The following TTYH2 variants were observed in gnomAD, a reference collection of about 807,000 sequenced individuals.
TTYH2 encodes tweety family member 2.
In TTYH2, 49 loss-of-function variants were observed where a neutral mutation model predicts 68.3. That is an observed-to-expected ratio of 0.72 (90% CI 0.57 to 0.91). TTYH2 has a LOEUF of 0.91. Ranked by LOEUF, TTYH2 falls within the 40% of genes least tolerant of loss-of-function variation. The pLI is 0.00. For synonymous variants in TTYH2, 272 were observed against 300.8 expected (o/e 0.90, Z 0.99); for missense variants, 631 against 700.4 (o/e 0.90, Z 1.12).
chr17:74,226,057 G>A (rs1051655215), intron 2 of TTYH2, among the ~76,000 whole-genome samples: 3 of 152,252 alleles, frequency 2.0e-5, no homozygotes, highest in African/African-American at 7.2e-5. Context: ...GCCCCCGGAT[G>A]GGGTGGCAGT....
At chr17:74,223,220 C>G (rs1479773395) in intron 2 of TTYH2, among the ~76,000 whole-genome samples, 1 of 151,802 alleles carries the variant, frequency 6.6e-6, no homozygotes, top group Non-Finnish European at 1.5e-5. Flanking sequence ...GCAATCCTCC[C>G]ACCTCAGCCT....
intron 3 of TTYH2, among the ~76,000 whole-genome samples, chr17:74,231,784 G>A (rs1298176220): frequency 6.6e-6 from 1 of 152,172 alleles, no homozygotes; most frequent in Admixed American, 6.5e-5. Context: ...CCAGGTGGGG[G>A]CTCACAGTGA....
In TTYH2 at chr17:74,232,602, G is replaced by A. The variant is rs2050401359; in HGVS notation, c.414+1603G>A. ...GCACCCACCCTTGCCCCAGGCCCTG[G>A]TGGGGAAGGGCCCCATGGTCACTGC... On this transcript the variant is annotated intron_variant, in intron 3 of 13. Coordinates refer to ENST00000269346, the MANE Select transcript of TTYH2 (RefSeq NM_032646.6). The surrounding 1 kb of genome is among the most constrained non-coding windows in gnomAD (Gnocchi z 5.1). Among the ~76,000 whole-genome samples the A allele has an allele frequency of 6.6e-6, 1 of 152,156 alleles. No homozygotes were observed. Among genetic ancestry groups the A allele is most frequent in the Non-Finnish European group, 1.5e-5 (1 of 68,000 alleles).
intron 13 of TTYH2, among the ~76,000 whole-genome samples, chr17:74,254,673 C>T (rs1283788515): frequency 6.6e-6 from 1 of 152,150 alleles, no homozygotes; most frequent in Non-Finnish European, 1.5e-5. Flanking sequence ...CCATATTCAG[C>T]CTTTAAGAAG....
chr17:74,231,058 G>C, intron 3 of TTYH2, 59 bp downstream of exon 3: 2 of 1,507,984 alleles, frequency 1.3e-6, no homozygotes, highest in Non-Finnish European at 1.8e-6. Flanking sequence ...AGCGTGGTCA[G>C]AGCAAGGGCC....
chr17:74,228,749 A>C (rs946085989), intron 2 of TTYH2, among the ~76,000 whole-genome samples: 1 of 152,160 alleles, frequency 6.6e-6, no homozygotes, highest in Non-Finnish European at 1.5e-5. Context: ...GTGCCCTGGG[A>C]AGTGGAGGAC....
intron 3 of TTYH2, among the ~76,000 whole-genome samples, chr17:74,234,549 A>G (rs1404268947): frequency 6.6e-6 from 1 of 152,228 alleles, no homozygotes; most frequent in East Asian, 1.9e-4. Context: ...TGGGCAGCAT[A>G]GCGAGACCCC....
chr17:74,227,568 GCTC>G (rs1433202243), intron 2 of TTYH2, among the ~76,000 whole-genome samples: 1 of 152,134 alleles, frequency 6.6e-6, no homozygotes, highest in Non-Finnish European at 1.5e-5. Flanking sequence ...ACTTGGTGAA[GCTC>G]CTCCCCTCTG....
intron 1 of TTYH2, among the ~76,000 whole-genome samples, chr17:74,221,250 C>G (rs1219696965): frequency 1.3e-5 from 2 of 152,222 alleles, no homozygotes; most frequent in Non-Finnish European, 1.5e-5. Flanking sequence ...AAGACCTGCC[C>G]GCATCTCACA....
Position 74,253,796 on chromosome 17 carries a change from A to G in TTYH2, c.1487A>G (p.Asn496Ser). 1 of 1,614,222 alleles carries G rather than the reference A, an allele frequency of 6.2e-7. No individual in the cohort carries two copies. The highest frequency in any genetic ancestry group is 8.5e-7 in the Non-Finnish European group (1 of 1,180,040). Residue 496 changes from asparagine (N) to serine (S), a missense_variant, in exon 13 of 14, where the codon AAC becomes AGC. Coordinates refer to ENST00000269346, the MANE Select transcript of TTYH2 (RefSeq NM_032646.6). Reference protein sequence around the residue: ...MLFGRNPRYENVPLIGRASPP... With the variant: ...MLFGRNPRYESVPLIGRASPP... The stretch of plus-strand genomic sequence containing the variant: ...TTTGGTAGGAACCCACGCTACGAGA[A>G]CGTGCCACTAATCGGGAGAGCCTCC...
At position 74,260,653 on chromosome 17, in the gene TTYH2, CCT is replaced by C; in HGVS notation, c.*445_*446del. The stretch of plus-strand genomic sequence containing the variant: ...CCAGACGACCCCTCTGTCCTCGTTC[CCT>C]GTCCTCGTTCCCTGCAGGTAACATG... On this transcript the variant is annotated 3_prime_UTR_variant, in exon 14 of 14. Coordinates refer to ENST00000269346, the MANE Select transcript of TTYH2 (RefSeq NM_032646.6). The C allele has an allele frequency of 5.0e-6, 1 of 201,812 alleles. No individual in the cohort carries two copies. The highest frequency in any genetic ancestry group is 2.3e-5 in the African/African-American group (1 of 44,362). The allele number at this position is 201,812 out of a possible 1,614,324, so 12.5% of individuals were successfully genotyped here. A position where few individuals can be genotyped will look rare whatever the true frequency, so the allele number is the denominator to read the frequency against.
chr17:74,218,306 C>T (rs1055030673), intron 1 of TTYH2, among the ~76,000 whole-genome samples: 4 of 151,952 alleles, frequency 2.6e-5, no homozygotes, highest in East Asian at 3.9e-4. Context: ...CCCTGTCCCA[C>T]CCACCACCCC....
At chr17:74,235,319 TC>T (rs1385729915) in intron 3 of TTYH2, among the ~76,000 whole-genome samples, 1 of 152,118 alleles carries the variant, frequency 6.6e-6, no homozygotes, top group Non-Finnish European at 1.5e-5. Flanking sequence ...CGTTTTTATC[TC>T]CCAGACCCGT....
At position 74,215,102 on chromosome 17, in the gene TTYH2, A is replaced by G. The variant is rs576353330; in HGVS notation, c.129+1386A>G. Among the ~76,000 whole-genome samples the G allele has an allele frequency of 1.5e-3, 226 of 151,800 alleles. 1 individual carries two copies. The highest frequency in any genetic ancestry group is 5.3e-3 in the African/African-American group (218 of 41,378). On this transcript the variant is annotated intron_variant, in intron 1 of 13. Coordinates refer to ENST00000269346, the MANE Select transcript of TTYH2 (RefSeq NM_032646.6). The surrounding 1 kb of genome is among the most constrained non-coding windows in gnomAD (Gnocchi z 4.3). ...TCCCTGAGAATGTGGCTGCCTGGGG[A>G]TAGCTCCAGGGAATCTTCCTCTCCC...
chr17:74,219,787 A>G (rs2050257808), intron 1 of TTYH2, among the ~76,000 whole-genome samples: 1 of 152,106 alleles, frequency 6.6e-6, no homozygotes, highest in African/African-American at 2.4e-5. Flanking sequence ...TAAGACTATA[A>G]CACATGTTCT....
intron 1 of TTYH2, among the ~76,000 whole-genome samples, chr17:74,218,196 C>T (rs1173600565): frequency 6.6e-6 from 1 of 151,994 alleles, no homozygotes; most frequent in Non-Finnish European, 1.5e-5. Flanking sequence ...GGGTGGGCTC[C>T]TACCTGCTCC....
At chr17:74,247,531 G>A (rs1161397221) in intron 6 of TTYH2, among the ~76,000 whole-genome samples, 3 of 152,210 alleles carry the variant, frequency 2.0e-5, no homozygotes, top group Non-Finnish European at 4.4e-5. Flanking sequence ...AAGGAGGAGA[G>A]AGGCAGGAGG....
intron 13 of TTYH2, among the ~76,000 whole-genome samples, chr17:74,254,465 GCCAGCTAATTGCCTTTAT>G (rs1294794762): frequency 1.3e-5 from 2 of 152,312 alleles, no homozygotes; most frequent in East Asian, 3.9e-4. Flanking sequence ...ACCGCGCCCG[GCCAGCTAATTGCCTTTAT>G]CCAGAGGAAA....
rs933990314 is a variant in TTYH2 at position 74,261,741 on chromosome 17, G to T, written c.*1532G>T. ...CAGCGAAGCCTCCACAACAGAATGG[G>T]GCCACAGGGCAGCCGGGACTCCCTG... On this transcript the variant is annotated 3_prime_UTR_variant, in exon 14 of 14. Transcript: ENST00000269346. The T allele has an allele frequency of 1.3e-5, 2 of 152,266 alleles. No individual in the cohort carries two copies. Among genetic ancestry groups the T allele is most frequent in the Non-Finnish European group, 2.9e-5 (2 of 68,038 alleles). 9.4% of individuals were successfully genotyped at this position (152,266 alleles called of 1,614,324 possible).
Sources: gnomAD v4.1 joint callset for allele counts (sites outside exome capture counted in the v4.1 genomes callset) on GRCh38, gnomAD v4.1.1 for gene constraint, Gnocchi (gnomAD v3.1) non-coding constraint, MANE v1.5 for transcripts, NCBI Gene and HGNC (gene_info 2026-07-23, HGNC 2026-07-21) for gene names.